The following ABCA4 variants were observed in gnomAD, a reference collection of about 807,000 sequenced individuals.
ABCA4 encodes the protein ATP binding cassette subfamily A member 4, also known as retinal-specific phospholipid-transporting ATPase ABCA4.
In ABCA4, 196 loss-of-function variants were observed where a neutral mutation model predicts 263.7. The observed-to-expected ratio is 0.74, with a 90% CI of 0.66 to 0.84. ABCA4 has a LOEUF of 0.84. ABCA4 is among the 40% of genes least tolerant of loss of function. The pLI is 0.00. For synonymous variants in ABCA4, 1,133 were observed against 1,094.2 expected (o/e 1.04, Z -0.70); for missense variants, 2,792 against 2,855.1 (o/e 0.98, Z 0.50).
At chr1:94,015,152 ACAG>A (rs1659693051) in intron 37 of ABCA4, among the ~76,000 whole-genome samples, 1 of 152,228 alleles carries the variant, frequency 6.6e-6, no homozygotes, top group African/African-American at 2.4e-5. Flanking sequence ...CTACTGGCCC[ACAG>A]AGGAAGGACC....
intron 6 of ABCA4, among the ~76,000 whole-genome samples, chr1:94,098,351 T>C (rs1183153046): frequency 1.3e-5 from 2 of 152,174 alleles, no homozygotes; most frequent in African/African-American, 4.8e-5. Flanking sequence ...TTATGAAATG[T>C]TTTGCGTATA....
intron 3 of ABCA4, among the ~76,000 whole-genome samples, 198 bp from the exon 4 acceptor site, chr1:94,108,914 A>G (rs1464227351): frequency 6.6e-6 from 1 of 151,902 alleles, no homozygotes; most frequent in South Asian, 2.1e-4. Context: ...CTGGGACTAC[A>G]GGCGCCCGCC....
chr1:94,005,237 G>A lies in ABCA4; in HGVS notation c.6147+204C>T, dbSNP rs1490446735. ...ACATTTTGTTAGATATGAGAGTGGG[G>A]ATTTTTTTTTGTCTGTCTTGTTCAC... On this transcript the variant is annotated intron_variant, in intron 44 of 49. Coordinates refer to ENST00000370225, the MANE Select transcript of ABCA4 (RefSeq NM_000350.3). 6 of 618,864 alleles carry A rather than the reference G, an allele frequency of 9.7e-6. No individual in the cohort carries two copies. The East Asian group carries it at 1.4e-4, about 15-fold the overall frequency. The allele number at this position is 618,864 out of a possible 1,614,324, so 38.3% of individuals were successfully genotyped here.
In ABCA4 at chr1:94,015,683, AC is replaced by A; in HGVS notation, c.5312+55del. The A allele has an allele frequency of 5.7e-6, 7 of 1,234,618 alleles. 1 individual carries two copies. In the South Asian group the frequency reaches 8.9e-5, roughly 16 times the overall value. 76.5% of individuals were successfully genotyped at this position (1,234,618 alleles called of 1,614,324 possible). A position where few individuals can be genotyped will look rare whatever the true frequency, so the allele number is the denominator to read the frequency against. On this transcript the variant is annotated intron_variant, in intron 37 of 49. Coordinates refer to ENST00000370225, the MANE Select transcript of ABCA4 (RefSeq NM_000350.3). ...GTTTTCTGTCAGGAGATGATCCCCC[AC>A]CCCCACCACCAGGCTTCTCTTCAGA... is the stretch of plus-strand genomic sequence containing the variant.
intron 6 of ABCA4, among the ~76,000 whole-genome samples, chr1:94,097,077 G>A (rs539184049): frequency 1.3e-5 from 2 of 152,308 alleles, no homozygotes; most frequent in Admixed American, 6.5e-5. Flanking sequence ...GTCAAGGAGC[G>A]TGTCTAAAAT....
At position 94,051,709 on chromosome 1, in the gene ABCA4, A is replaced by G. The variant is rs1660846190; in HGVS notation, c.2588-11T>C. 6.2e-7 allele frequency: 1 copy of G among 1,606,700 alleles called. No individual in the cohort carries two copies. Among genetic ancestry groups the G allele is most frequent in the Non-Finnish European group, 8.5e-7 (1 of 1,173,280 alleles). The stretch of plus-strand genomic sequence containing the variant: ...GGGTTCCATAGTCTCCTAAAAATAG[A>G]GACAAATAAACAGAGAAAGTCGAAG... On this transcript the variant is annotated splice_polypyrimidine_tract_variant and intron_variant, in intron 16 of 49. Coordinates refer to ENST00000370225, the MANE Select transcript of ABCA4 (RefSeq NM_000350.3).
At chr1:94,048,676 T>G (rs1660753261) in intron 18 of ABCA4, among the ~76,000 whole-genome samples, 192 bp downstream of exon 18, 1 of 152,236 alleles carries the variant, frequency 6.6e-6, no homozygotes, top group Non-Finnish European at 1.5e-5. Context: ...CGCTAATGTC[T>G]GGGCTGAACC....
At chr1:94,084,477 G>A (rs1358837972) in intron 6 of ABCA4, among the ~76,000 whole-genome samples, 1 of 152,214 alleles carries the variant, frequency 6.6e-6, no homozygotes, top group Non-Finnish European at 1.5e-5. Context: ...GACCAGCCAG[G>A]TTCTCATTTG....
At position 94,014,580 on chromosome 1, in the gene ABCA4, G is replaced by C. The variant is rs1004237594; in HGVS notation, c.5423C>G (p.Ala1808Gly). ...AAATAATTCCAAGATGAAGGTAATAGCACTGCTGTTGATGCCGATGAACAG... is the reference window on the plus strand; with the variant it reads ...AAATAATTCCAAGATGAAGGTAATACCACTGCTGTTGATGCCGATGAACAG... ...ANLFIGINSSAITFILELFEN... is the reference protein window; with the variant it reads ...ANLFIGINSSGITFILELFEN... Residue 1808 changes from alanine (A) to glycine (G), a missense_variant, in exon 38 of 50, where the codon GCT becomes GGT. Coordinates refer to ENST00000370225, the MANE Select transcript of ABCA4 (RefSeq NM_000350.3). The C allele has an allele frequency of 6.8e-6, 11 of 1,614,102 alleles. No individual in the cohort carries two copies. The East Asian group carries it at 2.4e-4, about 36-fold the overall frequency.
At chr1:94,045,251 A>G (rs17110929) in intron 19 of ABCA4, among the ~76,000 whole-genome samples, 1 of 151,762 alleles carries the variant, frequency 6.6e-6, no homozygotes, top group Non-Finnish European at 1.5e-5. Context: ...GAAGCCAGGC[A>G]TGGGAATTAC....
rs930622003 is a variant in ABCA4, at chr1:94,017,311, A to G, written c.5197-1457T>C. On this transcript the variant is annotated intron_variant, in intron 36 of 49. Coordinates refer to ENST00000370225, the MANE Select transcript of ABCA4 (RefSeq NM_000350.3). ...GCAAATTGAAATCAGAAGCCACCTG[A>G]TAGGATGCAGTGAGAACACAGCATC... Among the ~76,000 whole-genome samples, 8 of 152,192 alleles carry G rather than the reference A, an allele frequency of 5.3e-5. 1 individual carries two copies. The highest frequency in any genetic ancestry group is 3.9e-4 in the Admixed American group (6 of 15,276).
intron 29 of ABCA4, 29 bp from the exon 30 acceptor site, chr1:94,029,660 A>G: frequency 6.2e-7 from 1 of 1,601,316 alleles, no homozygotes; most frequent in Non-Finnish European, 8.5e-7. Context: ...ATATTCCATA[A>G]TCAGCCTCAA....
At chr1:94,102,883 A>G in intron 5 of ABCA4, 132 bp downstream of exon 5, 3 of 1,286,420 alleles carry the variant, frequency 2.3e-6, no homozygotes, top group East Asian at 4.8e-5. Context: ...TTCTAAATAC[A>G]AGGCATTAAG....
chr1:94,088,608 G>A (rs1661892393), intron 6 of ABCA4, among the ~76,000 whole-genome samples: 1 of 152,176 alleles, frequency 6.6e-6, no homozygotes, highest in African/African-American at 2.4e-5. Context: ...TTCTGTCTGG[G>A]ACCCATCATG....
Position 94,011,077 on chromosome 1 carries a change from C to T in ABCA4, c.5585-148G>A, listed in dbSNP as rs1455971642. On this transcript the variant is annotated intron_variant, in intron 39 of 49. Transcript: ENST00000370225. ...CTCATAAGGGCTGCCCTCCATCCCT[C>T]CTGTGGCTCCCCAGCCATGGAAACA... 6 of 1,539,296 alleles carry T rather than the reference C, an allele frequency of 3.9e-6. No homozygotes were observed. The Admixed American group carries it at 1.1e-4, about 27-fold the overall frequency.
chr1:94,021,784 T>C (rs945213238), intron 33 of ABCA4, 62 bp downstream of exon 33: 5 of 1,605,128 alleles, frequency 3.1e-6, no homozygotes, highest in Non-Finnish European at 4.3e-6. Flanking sequence ...CATGAGAGTT[T>C]CTCATTCATG....
In ABCA4 at chr1:94,098,785, C is replaced by A; in HGVS notation, c.768+9G>T. ...TTGCAATTGGCGAGCAGCCAAACCC[C>A]TCCCTTACCACACGGAAGAGCTTGA... On this transcript the variant is annotated intron_variant, in intron 6 of 49. Transcript: ENST00000370225. 1 of 1,614,166 alleles carries A rather than the reference C, an allele frequency of 6.2e-7. No homozygotes were observed. Among genetic ancestry groups the A allele is most frequent in the East Asian group, 2.2e-5 (1 of 44,886 alleles).
chr1:94,056,377 A>G (rs1278487153), intron 15 of ABCA4, among the ~76,000 whole-genome samples: 1 of 152,218 alleles, frequency 6.6e-6, no homozygotes, highest in Non-Finnish European at 1.5e-5. Context: ...ATGACTTTCC[A>G]GGGCAGATGA....
chr1:94,007,710 C>T lies in ABCA4; in HGVS notation c.5929G>A (p.Gly1977Ser), dbSNP rs61750639. 6.2e-6 allele frequency: 10 copies of T among 1,613,898 alleles called. No homozygotes were observed. The highest frequency in any genetic ancestry group is 3.3e-5 in the Admixed American group (2 of 59,992). Residue 1977 changes from glycine (G) to serine (S), a missense_variant, in exon 43 of 50, where the codon GGC becomes AGC. Transcript: ENST00000370225. The stretch of plus-strand genomic sequence containing the variant: ...AGCATCTTGAATGTGGTTGTTTTGC[C>T]GGCACCATTCACTCCCAGGAGGCCA... ...CFGLLGVNGA[G>S]KTTTFKMLTG...
Sources: allele counts gnomAD v4.1 joint callset (sites outside exome capture counted in the v4.1 genomes callset), GRCh38; gene constraint gnomAD v4.1.1; transcripts MANE v1.5; gene names NCBI Gene and HGNC (gene_info 2026-07-23, HGNC 2026-07-21).